RHOA: variants seen among roughly 807,000 people sequenced by gnomAD.
RHOA encodes the protein transforming protein RhoA.
A neutral mutation model predicts 17.5 loss-of-function variants in RHOA; 3 were observed. The ratio of observed to expected loss-of-function variants is 0.17; its 90% CI spans 0.08 to 0.44. The LOEUF is 0.44. RHOA is among the 20% of genes least tolerant of loss of function. The pLI is 0.99. For synonymous variants in RHOA, 98 were observed against 88.4 expected (o/e 1.11, Z -0.61); for missense variants, 56 against 242.3 (o/e 0.23, Z 5.10).
intron 4 of RHOA, 138 bp from the exon 5 acceptor site, chr3:49,360,520 G>T (rs1165059154): frequency 4.8e-6 from 4 of 841,066 alleles, no homozygotes; most frequent in Non-Finnish European, 7.1e-6. Flanking sequence ...CAGGCTGGAG[G>T]GCAATGGCAT....
rs1160140765 is a variant in RHOA at position 49,369,006 on chromosome 3, C to CTTTTTTT, written c.157-465_157-459dup. 1.9e-3 allele frequency among the ~76,000 whole-genome samples: 115 copies of CTTTTTTT among 59,702 alleles called. 5 individuals carry two copies. The highest frequency in any genetic ancestry group is 6.6e-3 in the African/African-American group (85 of 12,922). 39.2% of individuals were successfully genotyped at this position (59,702 alleles called of 152,430 possible). A position where few individuals can be genotyped will look rare whatever the true frequency, so the allele number is the denominator to read the frequency against. On this transcript the variant is annotated intron_variant, in intron 2 of 4. Coordinates refer to ENST00000418115, the MANE Select transcript of RHOA (RefSeq NM_001664.4). ...GCAGGCGTGACCCACCGCGCCTGGC[C>CTTTTTTT]TTTTTTTTTTTTTTTTTTTTTTTTT...
In RHOA at chr3:49,408,189, T is replaced by C. The variant is rs1033922619; in HGVS notation, c.-3+3631A>G. On this transcript the variant is annotated intron_variant, in intron 1 of 4. Transcript: ENST00000418115. The stretch of plus-strand genomic sequence containing the variant: ...AGAAAAAAAAAAAAATATATATATA[T>C]ACACACACACATACACACACGTATA... 5.9e-4 allele frequency among the ~76,000 whole-genome samples: 87 copies of C among 146,718 alleles called. 1 individual carries two copies. The highest frequency in any genetic ancestry group is 1.5e-3 in the African/African-American group (57 of 38,632).
intron 1 of RHOA, among the ~76,000 whole-genome samples, chr3:49,389,079 C>G (rs769039936): frequency 1.3e-5 from 2 of 152,064 alleles, no homozygotes; most frequent in African/African-American, 4.8e-5. Flanking sequence ...TGGTAGCTCA[C>G]GCCTGTAATC....
At position 49,359,196 on chromosome 3, in the gene RHOA, G is replaced by A. The variant is rs2047913297; in HGVS notation, c.*1013C>T. The A allele has an allele frequency of 5.3e-6, 1 of 186,986 alleles. No homozygotes were observed. The highest frequency in any genetic ancestry group is 2.3e-5 in the African/African-American group (1 of 42,668). 11.6% of individuals were successfully genotyped at this position (186,986 alleles called of 1,614,324 possible). On this transcript the variant is annotated 3_prime_UTR_variant, in exon 5 of 5. Coordinates refer to ENST00000418115, the MANE Select transcript of RHOA (RefSeq NM_001664.4). ...GTAGTTGGAAAAATTAACTGGTACA[G>A]AAAAAAAGTTTAGTCAGCTGGAGAG...
At chr3:49,388,835 C>T (rs1242007655) in intron 1 of RHOA, among the ~76,000 whole-genome samples, 2 of 152,150 alleles carry the variant, frequency 1.3e-5, no homozygotes, top group Non-Finnish European at 2.9e-5. Context: ...CAAAACAATC[C>T]TATCTAAGCT....
chr3:49,387,325 T>G (rs2048415129), intron 1 of RHOA, among the ~76,000 whole-genome samples: 1 of 149,188 alleles, frequency 6.7e-6, no homozygotes, highest in South Asian at 2.1e-4. Context: ...GCACCTGTAG[T>G]CCCAGCTACT....
intron 1 of RHOA, among the ~76,000 whole-genome samples, chr3:49,403,386 G>C (rs2048759909): frequency 6.6e-6 from 1 of 152,112 alleles, no homozygotes; most frequent in Non-Finnish European, 1.5e-5. Flanking sequence ...TAACTCGACT[G>C]AGTGGCAATT....
chr3:49,388,970 A>G (rs896529848), intron 1 of RHOA, among the ~76,000 whole-genome samples: 1 of 152,200 alleles, frequency 6.6e-6, no homozygotes, highest in African/African-American at 2.4e-5. Flanking sequence ...TATGCTCAGT[A>G]AAAGAAACCA....
chr3:49,408,284 A>G (rs2048873277), intron 1 of RHOA, among the ~76,000 whole-genome samples: 1 of 152,086 alleles, frequency 6.6e-6, no homozygotes, highest in African/African-American at 2.4e-5. Context: ...ATACGTATAC[A>G]CAAGTATATA....
At chr3:49,374,072 C>T (rs377430091) in intron 2 of RHOA, among the ~76,000 whole-genome samples, 8 of 152,076 alleles carry the variant, frequency 5.3e-5, no homozygotes, top group African/African-American at 1.9e-4. Flanking sequence ...ATCTTTTGGC[C>T]GGGCACAGTG....
At chr3:49,404,707 T>C (rs988459330) in intron 1 of RHOA, among the ~76,000 whole-genome samples, 14 of 144,356 alleles carry the variant, frequency 9.7e-5, no homozygotes, top group African/African-American at 1.6e-4. Flanking sequence ...GGCAGGCAGA[T>C]TGCCTGAGCT....
At chr3:49,411,070 T>C (rs957955664) in intron 1 of RHOA, among the ~76,000 whole-genome samples, 1 of 152,192 alleles carries the variant, frequency 6.6e-6, no homozygotes, top group Non-Finnish European at 1.5e-5. Context: ...TCCTAATCAA[T>C]ACAGCGACTT....
intron 1 of RHOA, among the ~76,000 whole-genome samples, chr3:49,397,481 T>A (rs531351192): frequency 2.6e-5 from 4 of 152,292 alleles, no homozygotes; most frequent in African/African-American, 4.8e-5. Flanking sequence ...TATATCTCAG[T>A]AAAATTGTTA....
intron 1 of RHOA, among the ~76,000 whole-genome samples, chr3:49,394,445 G>C (rs866537248): frequency 6.6e-6 from 1 of 152,076 alleles, no homozygotes; most frequent in South Asian, 2.1e-4. Flanking sequence ...CCACCTCCCG[G>C]GTTCCACCAA....
At chr3:49,398,280 G>A (rs1358548505) in intron 1 of RHOA, among the ~76,000 whole-genome samples, 3 of 151,992 alleles carry the variant, frequency 2.0e-5, no homozygotes, top group Non-Finnish European at 2.9e-5. Flanking sequence ...GAACCCAGAA[G>A]GCGGAGGTTG....
intron 3 of RHOA, 60 bp from the exon 4 acceptor site, chr3:49,362,686 A>AGAACCTCAG: frequency 7.0e-7 from 1 of 1,428,980 alleles, no homozygotes; most frequent in Non-Finnish European, 9.5e-7. Context: ...AGACTTTCCA[A>AGAACCTCAG]GAACCTCAGT....
intron 1 of RHOA, among the ~76,000 whole-genome samples, chr3:49,394,814 A>C (rs1340348862): frequency 6.6e-6 from 1 of 152,208 alleles, no homozygotes; most frequent in African/African-American, 2.4e-5. Context: ...TCTGCCAGAG[A>C]GCTTCAGATA....
intron 2 of RHOA, among the ~76,000 whole-genome samples, chr3:49,371,982 A>G (rs2048153721): frequency 6.6e-6 from 1 of 152,100 alleles, no homozygotes; most frequent in Non-Finnish European, 1.5e-5. Flanking sequence ...ATTAACAGCC[A>G]CTCTCTGGAG....
intron 1 of RHOA, among the ~76,000 whole-genome samples, chr3:49,392,942 C>G (rs1217185905): frequency 1.3e-5 from 2 of 152,046 alleles, no homozygotes; most frequent in Non-Finnish European, 2.9e-5. Context: ...TTTGGGAGGT[C>G]AAGGGGGGTA....
Sources: allele counts gnomAD v4.1 joint callset (sites outside exome capture counted in the v4.1 genomes callset), GRCh38; gene constraint gnomAD v4.1.1; transcripts MANE v1.5; gene names NCBI Gene and HGNC (gene_info 2026-07-23, HGNC 2026-07-21).